The following GRM1 variants were observed in gnomAD, a reference collection of about 807,000 sequenced individuals.
The protein encoded by GRM1 is glutamate metabotropic receptor 1, also known as metabotropic glutamate receptor 1.
Under a neutral mutation model 90.9 loss-of-function variants are expected in GRM1, and 33 were observed. The ratio of observed to expected loss-of-function variants is 0.36; its 90% CI spans 0.28 to 0.49. The LOEUF is 0.49. GRM1 is among the 20% of genes least tolerant of loss of function. The pLI is 0.99. For missense variants in GRM1, 1,190 were observed against 1,534.3 expected (o/e 0.78, Z 3.75); for synonymous variants, 700 against 613.2 (o/e 1.14, Z -2.09).
chr6:146,389,073 C>T (rs913584637), intron 6 of GRM1, among the ~76,000 whole-genome samples: 2 of 151,992 alleles, frequency 1.3e-5, no homozygotes, highest in Non-Finnish European at 2.9e-5. Context: ...AAATTTGTAT[C>T]CTACTTCATG....
At chr6:146,357,466 T>C in intron 4 of GRM1, 60 bp from the exon 5 acceptor site, 1 of 1,383,806 alleles carries the variant, frequency 7.2e-7, no homozygotes, top group Non-Finnish European at 1.0e-6. Context: ...CTTACCAACT[T>C]TCTTTGTTTT....
At chr6:146,156,139 C>T (rs1264840794) in intron 1 of GRM1, among the ~76,000 whole-genome samples, 2 of 152,216 alleles carry the variant, frequency 1.3e-5, no homozygotes, top group African/African-American at 4.8e-5. Flanking sequence ...GGCACAGTGA[C>T]TCATGCCTGT....
At position 146,118,386 on chromosome 6, in the gene GRM1, G is replaced by A. The variant is rs552780140; in HGVS notation, c.701-40962G>A. Among the ~76,000 whole-genome samples the A allele has an allele frequency of 5.5e-3, 835 of 152,078 alleles. 4 individuals carry two copies. The highest frequency in any genetic ancestry group is 8.4e-3 in the Non-Finnish European group (569 of 67,966). ...GATCTCCTGATCTCGTGATCCACCC[G>A]CCTCGGCCTCCCAAAGTACTGGGAT... On this transcript the variant is annotated intron_variant, in intron 1 of 7. Coordinates refer to ENST00000282753, the MANE Select transcript of GRM1 (RefSeq NM_001278064.2).
At chr6:146,256,198 A>G (rs1781471968) in intron 2 of GRM1, among the ~76,000 whole-genome samples, 1 of 152,176 alleles carries the variant, frequency 6.6e-6, no homozygotes, top group Non-Finnish European at 1.5e-5. Context: ...TCAGCACTGT[A>G]TAATGGAAAT....
rs568141402 is a variant in GRM1 at position 146,350,094 on chromosome 6, G to A, written c.1187-2156G>A. On this transcript the variant is annotated intron_variant, in intron 3 of 7. Transcript: ENST00000282753. ...GATCACCCTAAATGAGGATCAAAAG[G>A]AAAAGACTGATCTCACAGATATCCA... is the stretch of plus-strand genomic sequence containing the variant. Among the ~76,000 whole-genome samples, 240 of 152,266 alleles carry A rather than the reference G, an allele frequency of 1.6e-3. 3 individuals carry two copies. Among genetic ancestry groups the A allele is most frequent in the Middle Eastern group, 6.8e-3 (2 of 294 alleles).
intron 3 of GRM1, among the ~76,000 whole-genome samples, chr6:146,344,171 G>A (rs188367026): frequency 7.2e-5 from 11 of 152,286 alleles, no homozygotes; most frequent in Admixed American, 7.2e-4. Flanking sequence ...ACCCAACAAT[G>A]ATAAAATGCT....
At chr6:146,085,766 C>G (rs1175125030) in intron 1 of GRM1, among the ~76,000 whole-genome samples, 1 of 152,090 alleles carries the variant, frequency 6.6e-6, no homozygotes, top group African/African-American at 2.4e-5. Context: ...AGTGTACTGG[C>G]ATTTTTCTTT....
intron 3 of GRM1, among the ~76,000 whole-genome samples, chr6:146,340,798 C>T (rs956203722): frequency 6.6e-6 from 1 of 152,172 alleles, no homozygotes; most frequent in African/African-American, 2.4e-5. Context: ...CCTGCCTCAG[C>T]CTCCCAAAGT....
At chr6:146,111,750 A>G (rs1180352585) in intron 1 of GRM1, among the ~76,000 whole-genome samples, 1 of 152,182 alleles carries the variant, frequency 6.6e-6, no homozygotes, top group Non-Finnish European at 1.5e-5. Context: ...TTAAGCAGTA[A>G]TTAGGAGTTT....
intron 1 of GRM1, among the ~76,000 whole-genome samples, chr6:146,060,742 T>G (rs1390383722): frequency 6.6e-6 from 1 of 152,158 alleles, no homozygotes; most frequent in African/African-American, 2.4e-5. Context: ...GTAGAATGAT[T>G]TATATTCATC....
intron 2 of GRM1, among the ~76,000 whole-genome samples, chr6:146,268,567 A>C (rs1782004081): frequency 6.6e-6 from 1 of 152,182 alleles, no homozygotes; most frequent in Non-Finnish European, 1.5e-5. Flanking sequence ...CTGTTGAATA[A>C]TGAGATAAAT....
At chr6:146,304,992 G>C in intron 3 of GRM1, 146 bp downstream of exon 3, 1 of 704,554 alleles carries the variant, frequency 1.4e-6, no homozygotes, top group Non-Finnish European at 2.5e-6. Context: ...CTAGAATAAG[G>C]AGGAATTGTG....
At chr6:146,390,899 A>C (rs1340140462) in intron 6 of GRM1, among the ~76,000 whole-genome samples, 1 of 152,066 alleles carries the variant, frequency 6.6e-6, no homozygotes, top group Non-Finnish European at 1.5e-5. Context: ...TGGGAAGAAA[A>C]AAGCCTTTGC....
At chr6:146,130,261 C>G (rs1406513077) in intron 1 of GRM1, among the ~76,000 whole-genome samples, 7 of 140,740 alleles carry the variant, frequency 5.0e-5, no homozygotes, top group Non-Finnish European at 1.1e-4. Context: ...CCCTTCCTTC[C>G]TTCCTTCTTT....
chr6:146,103,362 G>A (rs565974645), intron 1 of GRM1, among the ~76,000 whole-genome samples: 1 of 152,104 alleles, frequency 6.6e-6, no homozygotes, highest in South Asian at 2.1e-4. Context: ...AGGCCAAAGG[G>A]GTCATGCTTT....
At chr6:146,402,925 CTTGAG>C (rs1339352285) in intron 7 of GRM1, among the ~76,000 whole-genome samples, 1 of 152,008 alleles carries the variant, frequency 6.6e-6, no homozygotes, top group Non-Finnish European at 1.5e-5. Flanking sequence ...GTTTGGGTTG[CTTGAG>C]TTATTTATAA....
intron 5 of GRM1, among the ~76,000 whole-genome samples, chr6:146,362,826 T>C (rs1583388623): frequency 6.6e-6 from 1 of 152,228 alleles, no homozygotes; most frequent in African/African-American, 2.4e-5. Context: ...TTTAGCTTCT[T>C]ATATGACTGA....
chr6:146,428,785 G>A (rs1011698953), intron 7 of GRM1, among the ~76,000 whole-genome samples: 2 of 152,110 alleles, frequency 1.3e-5, no homozygotes, highest in Non-Finnish European at 2.9e-5. Flanking sequence ...TCATGATTAG[G>A]TTGAACTAAA....
chr6:146,114,127 G>A (rs773778700), intron 1 of GRM1, among the ~76,000 whole-genome samples: 6 of 152,114 alleles, frequency 3.9e-5, no homozygotes, highest in Non-Finnish European at 8.8e-5. Flanking sequence ...ACTCTGATGC[G>A]TAATATTTCT....
Sources: gnomAD v4.1 joint callset for allele counts (sites outside exome capture counted in the v4.1 genomes callset) on GRCh38, gnomAD v4.1.1 for gene constraint, MANE v1.5 for transcripts, NCBI Gene and HGNC (gene_info 2026-07-23, HGNC 2026-07-21) for gene names.